The following SPAG16 variants were observed in gnomAD, a reference collection of about 807,000 sequenced individuals.
The protein encoded by SPAG16 is sperm-associated antigen 16 protein.
In SPAG16, 86 loss-of-function variants were observed where a neutral mutation model predicts 80.4. The ratio of observed to expected loss-of-function variants is 1.07; its 90% CI spans 0.90 to 1.28. The LOEUF (loss-of-function observed/expected upper bound fraction) is 1.28. SPAG16 is among the 50% of genes most tolerant of loss of function. SPAG16 has a pLI of 0.00. For synonymous variants in SPAG16, 294 were observed against 265.9 expected, an observed-to-expected ratio of 1.11 and a Z score of -1.03; for missense variants, 870 against 765.3, an observed-to-expected ratio of 1.14 and a Z score of -1.61.
At chr2:214,207,935 GAGGCTCTC>G (rs1261380457) in intron 15 of SPAG16, among the ~76,000 whole-genome samples, 4 of 152,208 alleles carry the variant, frequency 2.6e-5, no homozygotes, top group Non-Finnish European at 5.9e-5. Flanking sequence ...TGGTTTGCCA[GAGGCTCTC>G]AGGCCTTCGG....
chr2:213,805,331 A>G (rs1483604294), intron 10 of SPAG16, among the ~76,000 whole-genome samples: 1 of 152,178 alleles, frequency 6.6e-6, no homozygotes, highest in Non-Finnish European at 1.5e-5. Context: ...GAGAAAGACC[A>G]GATTGGTGGA....
intron 15 of SPAG16, among the ~76,000 whole-genome samples, chr2:214,395,348 C>T (rs1701306191): frequency 6.6e-6 from 1 of 152,190 alleles, no homozygotes. Flanking sequence ...GTTCCTATTG[C>T]TCCACATTCT....
At chr2:213,855,273 A>C (rs2075097083) in intron 10 of SPAG16, among the ~76,000 whole-genome samples, 1 of 152,222 alleles carries the variant, frequency 6.6e-6, no homozygotes, top group Non-Finnish European at 1.5e-5. Flanking sequence ...TCTTGCTTTC[A>C]TCTAAAAAAG....
At chr2:213,351,048 A>G (rs953655224) in intron 7 of SPAG16, among the ~76,000 whole-genome samples, 17 of 152,214 alleles carry the variant, frequency 1.1e-4, no homozygotes, top group Middle Eastern at 3.4e-3. Flanking sequence ...AGGCTGAGGC[A>G]TGAGAATCAT....
chr2:213,934,484 G>A (rs1478342092), intron 12 of SPAG16, among the ~76,000 whole-genome samples: 4 of 152,094 alleles, frequency 2.6e-5, no homozygotes, highest in Non-Finnish European at 4.4e-5. Flanking sequence ...TCTTTTTTTG[G>A]TTGTGGAGAG....
At position 213,980,382 on chromosome 2, in the gene SPAG16, A is replaced by C. The variant is rs190991857; in HGVS notation, c.1401-33569A>C. Reference sequence around the variant, plus strand: ...ATATATGTGTGTATATATATTCTCTATATATATAGAATATATGTGTGTATA... The same window carrying C: ...ATATATGTGTGTATATATATTCTCTCTATATATAGAATATATGTGTGTATA... On this transcript the variant is annotated intron_variant, in intron 12 of 15. Transcript: ENST00000331683. Among the ~76,000 whole-genome samples, 234 of 42,754 alleles carry C rather than the reference A, an allele frequency of 5.5e-3. 40 individuals carry two copies. In the Admixed American group the frequency reaches 0.066, roughly 12 times the overall value. 28.0% of individuals were successfully genotyped at this position (42,754 alleles called of 152,430 possible).
intron 15 of SPAG16, among the ~76,000 whole-genome samples, chr2:214,377,574 T>C (rs1700203975): frequency 6.6e-6 from 1 of 152,226 alleles, no homozygotes; most frequent in Non-Finnish European, 1.5e-5. Flanking sequence ...TTAGGACATA[T>C]AACATACAAA....
rs952625741 is a variant in SPAG16, at chr2:214,199,452, T to C, written c.1720+50186T>C. ...TTTCTGGGTTCTCTATTCTGTTCCCTGGGTCTACATGCCTATTTTTATACC... is the reference window on the plus strand; with the variant it reads ...TTTCTGGGTTCTCTATTCTGTTCCCCGGGTCTACATGCCTATTTTTATACC... On this transcript the variant is annotated intron_variant, in intron 15 of 15. Transcript: ENST00000331683. Among the ~76,000 whole-genome samples the C allele has an allele frequency of 2.6e-5, 4 of 152,182 alleles. No individual in the cohort carries two copies. The East Asian group carries it at 7.7e-4, about 29-fold the overall frequency.
At chr2:213,888,418 C>T (rs991338030) in intron 11 of SPAG16, among the ~76,000 whole-genome samples, 1 of 151,660 alleles carries the variant, frequency 6.6e-6, no homozygotes, top group African/African-American at 2.4e-5. Context: ...TAAATTAGAC[C>T]ACAAGCTAGT....
chr2:213,439,673 A>C (rs72939099), intron 9 of SPAG16, among the ~76,000 whole-genome samples: 2,087 of 152,350 alleles, frequency 0.014, 23 homozygotes, highest in Non-Finnish European at 0.021. Context: ...TGAAGTCTGC[A>C]TGGTTTTGAA....
At chr2:213,415,261 C>T (rs1465581204) in intron 9 of SPAG16, among the ~76,000 whole-genome samples, 1 of 152,192 alleles carries the variant, frequency 6.6e-6, no homozygotes, top group Admixed American at 6.5e-5. Context: ...GCCAGGGAAG[C>T]ATGCAAGGAG....
intron 12 of SPAG16, among the ~76,000 whole-genome samples, chr2:213,992,343 G>A (rs115465904): frequency 0.027 from 4,159 of 152,126 alleles, 78 homozygotes; most frequent in African/African-American, 0.038. Context: ...ATTTATGGTC[G>A]TCACAGCTAT....
intron 13 of SPAG16, among the ~76,000 whole-genome samples, chr2:214,041,976 GTGTATATA>G (rs1482273812): frequency 3.7e-3 from 326 of 88,250 alleles, no homozygotes; most frequent in Non-Finnish European, 4.2e-3. Context: ...GTGTCTGTGT[GTGTATATA>G]TATATATATA....
intron 10 of SPAG16, among the ~76,000 whole-genome samples, chr2:213,592,322 C>T (rs938332995): frequency 1.2e-4 from 19 of 152,094 alleles, no homozygotes; most frequent in African/African-American, 4.3e-4. Context: ...CAGATTGAAT[C>T]GCTCTAGTGT....
At chr2:214,232,227 G>A (rs1688748333) in intron 15 of SPAG16, among the ~76,000 whole-genome samples, 1 of 151,970 alleles carries the variant, frequency 6.6e-6, no homozygotes, top group East Asian at 1.9e-4. Flanking sequence ...CTTTTTTCTG[G>A]TAATATGAAA....
chr2:213,652,130 T>C (rs1319201231), intron 10 of SPAG16, among the ~76,000 whole-genome samples: 3 of 152,176 alleles, frequency 2.0e-5, no homozygotes, highest in Non-Finnish European at 4.4e-5. Flanking sequence ...TCACCACTTA[T>C]TAGCTGTGAC....
At chr2:213,987,435 A>C (rs2106439122) in intron 12 of SPAG16, among the ~76,000 whole-genome samples, 1 of 152,196 alleles carries the variant, frequency 6.6e-6, no homozygotes, top group East Asian at 1.9e-4. Flanking sequence ...TTTCAATCTC[A>C]GACTGATTTT....
At chr2:213,774,524 C>A (rs2069450674) in intron 10 of SPAG16, among the ~76,000 whole-genome samples, 1 of 152,078 alleles carries the variant, frequency 6.6e-6, no homozygotes, top group Non-Finnish European at 1.5e-5. Flanking sequence ...TCATATTAAG[C>A]AATTTTATAT....
intron 15 of SPAG16, among the ~76,000 whole-genome samples, chr2:214,308,901 T>C (rs1559200910): frequency 6.6e-6 from 1 of 152,156 alleles, no homozygotes; most frequent in Non-Finnish European, 1.5e-5. Flanking sequence ...TTACTGAGGT[T>C]CTCTGCGTTT....
Sources: gnomAD v4.1 joint callset for allele counts (sites outside exome capture counted in the v4.1 genomes callset) on GRCh38, gnomAD v4.1.1 for gene constraint, MANE v1.5 for transcripts, NCBI Gene and HGNC (gene_info 2026-07-23, HGNC 2026-07-21) for gene names.